Variants in CEP126 observed in about 807,000 individuals in gnomAD.
CEP126 encodes centrosomal protein of 126 kDa.
Under a neutral mutation model 107.8 loss-of-function variants are expected in CEP126, and 74 were observed. The ratio of observed to expected loss-of-function variants is 0.69; its 90% CI spans 0.57 to 0.83. The LOEUF is 0.83. Among genes scored for constraint, CEP126 ranks in the 40% least tolerant of loss-of-function variants. The pLI is 0.00. For missense variants in CEP126, 1,237 were observed against 1,281.9 expected, an observed-to-expected ratio of 0.96 and a Z score of 0.53; for synonymous variants, 449 against 446.0, an observed-to-expected ratio of 1.01 and a Z score of -0.08.
At chr11:101,924,785 G>C (rs1179195150) in intron 2 of CEP126, among the ~76,000 whole-genome samples, 1 of 151,748 alleles carries the variant, frequency 6.6e-6, no homozygotes, top group Non-Finnish European at 1.5e-5. Flanking sequence ...TTTTCTTCAG[G>C]TAGAGACAGT....
intron 8 of CEP126, among the ~76,000 whole-genome samples, chr11:101,985,365 C>A (rs555647993): frequency 6.6e-6 from 1 of 151,774 alleles, no homozygotes; most frequent in African/African-American, 2.4e-5. Context: ...TCATTGCAAC[C>A]TCCGCCTCTC....
intron 5 of CEP126, among the ~76,000 whole-genome samples, chr11:101,959,788 A>C (rs1407255051): frequency 6.6e-6 from 1 of 152,234 alleles, no homozygotes; most frequent in Non-Finnish European, 1.5e-5. Context: ...CATTGCAGTC[A>C]TTGCAGAACA....
intron 2 of CEP126, among the ~76,000 whole-genome samples, chr11:101,933,749 T>C (rs1298265279): frequency 1.3e-5 from 2 of 151,772 alleles, no homozygotes; most frequent in East Asian, 3.9e-4. Flanking sequence ...ACGCCAATCA[T>C]GTAAATGCTC....
In CEP126 at chr11:101,948,106, AC is replaced by A. The variant is rs1565356194; in HGVS notation, c.472del (p.Leu158PhefsTer9). On this transcript the variant is annotated frameshift_variant, in exon 4 of 11. Coordinates refer to ENST00000263468, the MANE Select transcript of CEP126 (RefSeq NM_020802.4). LOFTEE classifies it high-confidence loss of function. ...IQESNLKSEV[N>X]LPFSRRPTIN... ...GAATCCAACTTAAAATCAGAAGTAA[AC>A]CTTCCCTTTTCCCGTAGACCAACAA... 1 of 1,611,092 alleles carries A rather than the reference AC, an allele frequency of 6.2e-7. No individual in the cohort carries two copies. The highest frequency in any genetic ancestry group is 8.5e-7 in the Non-Finnish European group (1 of 1,177,800).
chr11:101,987,189 T>C (rs1941326580), intron 9 of CEP126, 148 bp downstream of exon 9: 1 of 599,020 alleles, frequency 1.7e-6, no homozygotes, highest in African/African-American at 1.9e-5. Flanking sequence ...CAGACTATAT[T>C]TGAATACTAT....
chr11:101,975,431 A>T (rs1338015520), intron 6 of CEP126, among the ~76,000 whole-genome samples: 4 of 152,222 alleles, frequency 2.6e-5, no homozygotes, highest in Non-Finnish European at 5.9e-5. Context: ...ATCAGAATGA[A>T]AATTACTAGC....
chr11:101,926,120 C>T lies in CEP126; in HGVS notation c.248+3360C>T, dbSNP rs552876846. Among the ~76,000 whole-genome samples, 3 of 152,234 alleles carry T rather than the reference C, an allele frequency of 2.0e-5. No homozygotes were observed. The East Asian group carries it at 5.8e-4, about 29-fold the overall frequency. On this transcript the variant is annotated intron_variant, in intron 2 of 10. Transcript: ENST00000263468. Reference sequence around the variant, plus strand: ...CAATAAAAAACATGATTTCTGTCCTCAGATTACTGATAGTGAAGTAATAAA... The same window carrying T: ...CAATAAAAAACATGATTTCTGTCCTTAGATTACTGATAGTGAAGTAATAAA...
In CEP126 at chr11:101,963,324, A is replaced by C; in HGVS notation, c.2289A>C (p.Ala763=). 1 of 1,613,906 alleles carries C rather than the reference A, an allele frequency of 6.2e-7. No homozygotes were observed. Among genetic ancestry groups the C allele is most frequent in the South Asian group, 1.1e-5 (1 of 91,034 alleles). ...RAKIIRKPGS[A]KVQSGFICTN... ...AAATAATTAGAAAACCAGGATCTGCAAAAGTCCAATCAGGCTTTATATGTA... is the reference window on the plus strand; with the variant it reads ...AAATAATTAGAAAACCAGGATCTGCCAAAGTCCAATCAGGCTTTATATGTA... Residue 763 remains alanine, a synonymous_variant, in exon 6 of 11, where the codon GCA becomes GCC. Transcript: ENST00000263468.
In CEP126 at chr11:101,963,438, TC is replaced by T; in HGVS notation, c.2405del (p.Pro802LeufsTer23). On this transcript the variant is annotated frameshift_variant, in exon 6 of 11. Coordinates refer to ENST00000263468, the MANE Select transcript of CEP126 (RefSeq NM_020802.4). LOFTEE classifies it high-confidence loss of function. ...CTCAGGGAAAATTAATTATACCTTG[TC>T]CTCCTCCTCAATCTACATCAAATAT... ...QAQGKLIIPCPPPQSTSNIRS... is the reference protein window; with the variant it reads ...QAQGKLIIPCXPPQSTSNIRS... The T allele has an allele frequency of 1.2e-6, 2 of 1,614,082 alleles. No individual in the cohort carries two copies. The highest frequency in any genetic ancestry group is 1.7e-6 in the Non-Finnish European group (2 of 1,179,986).
In CEP126 at chr11:101,974,105, G is replaced by T. The variant is rs74666226; in HGVS notation, c.2846-4242G>T. Among the ~76,000 whole-genome samples the T allele has an allele frequency of 2.6e-5, 4 of 151,962 alleles. No individual in the cohort carries two copies. The East Asian group carries it at 7.7e-4, about 29-fold the overall frequency. On this transcript the variant is annotated intron_variant, in intron 6 of 10. Coordinates refer to ENST00000263468, the MANE Select transcript of CEP126 (RefSeq NM_020802.4). ...TAAATCAGTTTTACACTTCTAAGAA[G>T]GCAGATACCTGTTTTGATAACTCTT...
intron 7 of CEP126, among the ~76,000 whole-genome samples, chr11:101,978,680 T>C (rs1336423343): frequency 6.6e-6 from 1 of 152,234 alleles, no homozygotes; most frequent in African/African-American, 2.4e-5. Context: ...AATGAAAGTT[T>C]TAAACCAACT....
At chr11:101,993,976 G>T (rs541294160) in intron 10 of CEP126, among the ~76,000 whole-genome samples, 1 of 152,160 alleles carries the variant, frequency 6.6e-6, no homozygotes, top group Non-Finnish European at 1.5e-5. Flanking sequence ...GCTCATGCCT[G>T]TAATCCCAGG....
Position 101,963,560 on chromosome 11 carries a change from A to G in CEP126, c.2525A>G (p.His842Arg). ...IITHNSFNSK[H>R]VLPTEHSLNQ... ...ACACATAACTCTTTTAATTCAAAAC[A>G]TGTGCTTCCAACAGAACACAGTTTG... Residue 842 changes from histidine to arginine, a missense_variant, in exon 6 of 11, where the codon CAT (histidine) becomes CGT (arginine). Physicochemically the swap from His to Arg is conservative, Grantham distance 29. Around this residue, in one of 3 missense-constraint regions of CEP126, gnomAD observed 1,134 missense variants for 1,150.5 expected, o/e 0.99. Transcript: ENST00000263468. The G allele has an allele frequency of 9.9e-6, 16 of 1,614,168 alleles. No homozygotes were observed. Among genetic ancestry groups the G allele is most frequent in the Non-Finnish European group, 1.4e-5 (16 of 1,180,018 alleles).
At chr11:101,978,151 A>T (rs1941214148) in intron 6 of CEP126, among the ~76,000 whole-genome samples, 196 bp from the exon 7 acceptor site, 1 of 152,206 alleles carries the variant, frequency 6.6e-6, no homozygotes, top group African/African-American at 2.4e-5. Context: ...CTCAGAAGCA[A>T]GGATTTTGTT....
intron 6 of CEP126, among the ~76,000 whole-genome samples, 168 bp downstream of exon 6, chr11:101,964,048 G>C (rs1192364190): frequency 6.6e-6 from 1 of 152,158 alleles, no homozygotes; most frequent in East Asian, 1.9e-4. Flanking sequence ...GCTTACACCT[G>C]TAATCCCAGC....
intron 2 of CEP126, among the ~76,000 whole-genome samples, chr11:101,936,537 C>T (rs1940581918): frequency 6.6e-6 from 1 of 152,022 alleles, no homozygotes; most frequent in African/African-American, 2.4e-5. Context: ...TCTATCTTTC[C>T]AGTCAATATG....
intron 4 of CEP126, among the ~76,000 whole-genome samples, chr11:101,950,346 A>G (rs1196210130): frequency 6.6e-6 from 1 of 152,250 alleles, no homozygotes; most frequent in Non-Finnish European, 1.5e-5. Flanking sequence ...CCCTTAAAAA[A>G]GATCTTATGA....
At position 101,978,425 on chromosome 11, in the gene CEP126, G is replaced by A; in HGVS notation, c.2924G>A (p.Gly975Glu). The part of the protein sequence containing the change: ...NILEQKRQNP[G>E]SVGQKYSEQI... The stretch of plus-strand genomic sequence containing the variant: ...TTAGAGCAGAAAAGACAAAACCCTG[G>A]ATCTGTAGGACAGAAGTACAGTGAG... The change falls in exon 7 of 11, where the codon GGA becomes GAA. Residue 975 changes from glycine (G) to glutamate (E), a missense_variant. Gly to Glu is a moderately conservative substitution (Grantham distance 98). Around this residue, in one of 3 missense-constraint regions of CEP126, gnomAD observed 1,134 missense variants for 1,150.5 expected, o/e 0.99. Coordinates refer to ENST00000263468, the MANE Select transcript of CEP126 (RefSeq NM_020802.4). 6.2e-7 allele frequency: 1 copy of A among 1,612,520 alleles called. No homozygotes were observed. Among genetic ancestry groups the A allele is most frequent in the Non-Finnish European group, 8.5e-7 (1 of 1,178,748 alleles).
At chr11:101,972,533 T>G (rs1941143887) in intron 6 of CEP126, among the ~76,000 whole-genome samples, 1 of 151,958 alleles carries the variant, frequency 6.6e-6, no homozygotes, top group African/African-American at 2.4e-5. Context: ...CCCAGCGTGG[T>G]GGCTCACACC....
Sources: allele counts gnomAD v4.1 joint callset (sites outside exome capture counted in the v4.1 genomes callset), GRCh38; gene constraint gnomAD v4.1.1; regional missense constraint gnomAD v4.1.1; transcripts MANE v1.5; gene names NCBI Gene and HGNC (gene_info 2026-07-23, HGNC 2026-07-21).